Variants in SYCP2L observed in about 807,000 individuals in gnomAD.
The protein encoded by SYCP2L is synaptonemal complex protein 2-like.
Under a neutral mutation model 125.8 loss-of-function variants are expected in SYCP2L, and 98 were observed. That is an observed-to-expected ratio of 0.78 (90% confidence interval 0.66 to 0.92). The LOEUF (loss-of-function observed/expected upper bound fraction) is 0.92. Among genes scored for constraint, SYCP2L ranks in the 40% least tolerant of loss-of-function variants. The pLI is 0.00. For missense variants in SYCP2L, 842 were observed against 936.4 expected (o/e 0.90, Z 1.32); for synonymous variants, 317 against 325.4 (o/e 0.97, Z 0.28).
At chr6:10,938,288 T>G (rs1183321939) in intron 21 of SYCP2L, among the ~76,000 whole-genome samples, 1 of 152,138 alleles carries the variant, frequency 6.6e-6, no homozygotes, top group Non-Finnish European at 1.5e-5. Context: ...TAAACCACAT[T>G]AAGAGAATGA....
At chr6:10,960,501 C>T (rs571812581) in intron 26 of SYCP2L, among the ~76,000 whole-genome samples, 1 of 152,208 alleles carries the variant, frequency 6.6e-6, no homozygotes, top group African/African-American at 2.4e-5. Context: ...ATAGAGAAGA[C>T]AAACTATAAG....
chr6:10,954,738 T>C lies in SYCP2L; in HGVS notation c.1955-378T>C, dbSNP rs1781470501. Reference sequence around the variant, plus strand: ...AGATGGCGCGCTCCGGGGTGTGAGCTGAAGCACTTCCAAAGGCCCATCTGC... The same window carrying C: ...AGATGGCGCGCTCCGGGGTGTGAGCCGAAGCACTTCCAAAGGCCCATCTGC... On this transcript the variant is annotated intron_variant, in intron 23 of 29. Coordinates refer to ENST00000283141, the MANE Select transcript of SYCP2L (RefSeq NM_001040274.3). The surrounding 1 kb of genome is among the most constrained non-coding windows in gnomAD (Gnocchi z 4.8). 6.6e-6 allele frequency among the ~76,000 whole-genome samples: 1 copy of C among 152,176 alleles called. No individual in the cohort carries two copies. Among genetic ancestry groups the C allele is most frequent in the Non-Finnish European group, 1.5e-5 (1 of 68,020 alleles).
chr6:10,893,761 A>G lies in SYCP2L; in HGVS notation c.79-106A>G, dbSNP rs1780211960. ...GAGATCTCCATTCTATATTTACCCT[A>G]TATTATTTCACACTGAATTCTTATT... is the stretch of plus-strand genomic sequence containing the variant. On this transcript the variant is annotated intron_variant, in intron 2 of 29. Transcript: ENST00000283141. 4 of 1,190,638 alleles carry G rather than the reference A, an allele frequency of 3.4e-6. No individual in the cohort carries two copies. In the South Asian group the frequency reaches 4.2e-5, roughly 13 times the overall value. The allele number at this position is 1,190,638 out of a possible 1,614,324, so 73.8% of individuals were successfully genotyped here.
intron 23 of SYCP2L, among the ~76,000 whole-genome samples, chr6:10,945,790 AAAAAG>A (rs1487094695): frequency 2.6e-5 from 4 of 151,536 alleles, no homozygotes; most frequent in East Asian, 1.9e-4. Flanking sequence ...AAAAAAAAAA[AAAAAG>A]AGTAAGTCTT....
intron 14 of SYCP2L, among the ~76,000 whole-genome samples, chr6:10,914,087 C>T (rs748665423): frequency 7.0e-4 from 107 of 152,100 alleles, no homozygotes; most frequent in Admixed American, 1.3e-3. Flanking sequence ...TCCACCTTGG[C>T]CTCCCAAAGT....
At chr6:10,896,515 G>C (rs1447038183) in intron 4 of SYCP2L, among the ~76,000 whole-genome samples, 1 of 152,142 alleles carries the variant, frequency 6.6e-6, no homozygotes, top group East Asian at 1.9e-4. Context: ...AGAATTTTGA[G>C]TATGAACATA....
At chr6:10,920,126 G>A (rs896794015) in intron 14 of SYCP2L, among the ~76,000 whole-genome samples, 1 of 152,216 alleles carries the variant, frequency 6.6e-6, no homozygotes, top group African/African-American at 2.4e-5. Context: ...TACATTGACT[G>A]TTGTCTCAAG....
intron 23 of SYCP2L, 102 bp downstream of exon 23, chr6:10,942,848 T>G: frequency 9.4e-7 from 1 of 1,059,586 alleles, no homozygotes; most frequent in East Asian, 2.6e-5. Context: ...CAAGTCACTT[T>G]GCACAGTGAC....
intron 19 of SYCP2L, 117 bp downstream of exon 19, chr6:10,930,631 G>A: frequency 1.7e-6 from 2 of 1,188,350 alleles, no homozygotes; most frequent in Non-Finnish European, 2.3e-6. Context: ...TATGGGGCCA[G>A]CTTTCCCTGC....
chr6:10,911,509 C>A (rs1387592563), intron 12 of SYCP2L, among the ~76,000 whole-genome samples: 5 of 152,144 alleles, frequency 3.3e-5, no homozygotes, highest in African/African-American at 1.2e-4. Context: ...TTCAGAGTCC[C>A]CTTCTTGGCC....
In SYCP2L at chr6:10,891,605, A is replaced by ATC. The variant is rs57417123; in HGVS notation, c.78+32_78+33dup. 1.1e-5 allele frequency: 9 copies of ATC among 846,494 alleles called. 1 individual carries two copies. In the African/African-American group the frequency reaches 2.1e-4, roughly 20 times the overall value. 52.4% of individuals were successfully genotyped at this position (846,494 alleles called of 1,614,324 possible). A position where few individuals can be genotyped will look rare whatever the true frequency, so the allele number is the denominator to read the frequency against. ...GGGTAAAGATCAAGTTTCTTTTATA[A>ATC]TCTCTCTCTGTGTGTGTGTGTGTGT... On this transcript the variant is annotated intron_variant, in intron 2 of 29. Coordinates refer to ENST00000283141, the MANE Select transcript of SYCP2L (RefSeq NM_001040274.3).
At chr6:10,918,396 G>A (rs1185221729) in intron 14 of SYCP2L, among the ~76,000 whole-genome samples, 1 of 151,728 alleles carries the variant, frequency 6.6e-6, no homozygotes, top group Non-Finnish European at 1.5e-5. Flanking sequence ...TTCTTTCTCG[G>A]GAGTGCCAAT....
At chr6:10,948,368 A>T (rs1781352952) in intron 23 of SYCP2L, among the ~76,000 whole-genome samples, 1 of 152,134 alleles carries the variant, frequency 6.6e-6, no homozygotes, top group Non-Finnish European at 1.5e-5. Context: ...ATTCCTGGTA[A>T]CCACCCTTCT....
chr6:10,924,786 T>C, intron 15 of SYCP2L, 145 bp downstream of exon 15: 1 of 767,860 alleles, frequency 1.3e-6, no homozygotes, highest in Non-Finnish European at 1.9e-6. Flanking sequence ...GAGTTGAGAG[T>C]TCTGGATTTA....
chr6:10,933,727 A>G (rs1402868344), intron 20 of SYCP2L, among the ~76,000 whole-genome samples: 1 of 152,190 alleles, frequency 6.6e-6, no homozygotes, highest in Non-Finnish European at 1.5e-5. Context: ...TTTATACCAA[A>G]CTTTGAATGA....
intron 2 of SYCP2L, among the ~76,000 whole-genome samples, chr6:10,893,621 G>T (rs924229305): frequency 1.3e-5 from 2 of 152,142 alleles, no homozygotes; most frequent in Admixed American, 1.3e-4. Context: ...GTGCTAAGAA[G>T]TCCCCAGGTG....
intron 18 of SYCP2L, among the ~76,000 whole-genome samples, chr6:10,929,089 G>A (rs1307284817): frequency 6.6e-6 from 1 of 151,866 alleles, no homozygotes; most frequent in African/African-American, 2.4e-5. Flanking sequence ...ACTGGGATTT[G>A]CCATGTTGGC....
chr6:10,906,371 C>T (rs1301144155), intron 9 of SYCP2L, among the ~76,000 whole-genome samples: 1 of 151,852 alleles, frequency 6.6e-6, no homozygotes, highest in African/African-American at 2.4e-5. Context: ...CCATTTCCCT[C>T]TCCTTGACTC....
chr6:10,951,375 A>G (rs903688406), intron 23 of SYCP2L, among the ~76,000 whole-genome samples: 2 of 152,152 alleles, frequency 1.3e-5, no homozygotes, highest in African/African-American at 4.8e-5. Flanking sequence ...GTGAGCTGTG[A>G]TCGTGCCACT....
Sources: gnomAD v4.1 joint callset for allele counts (sites outside exome capture counted in the v4.1 genomes callset) on GRCh38, gnomAD v4.1.1 for gene constraint, Gnocchi (gnomAD v3.1) non-coding constraint, MANE v1.5 for transcripts, NCBI Gene and HGNC (gene_info 2026-07-23, HGNC 2026-07-21) for gene names.